FAM120A: variants seen among roughly 807,000 people sequenced by gnomAD.
FAM120A encodes the protein family with sequence similarity 120 member A.
A neutral mutation model predicts 109.7 loss-of-function variants in FAM120A; 15 were observed. The ratio of observed to expected loss-of-function variants is 0.14; its 90% CI spans 0.09 to 0.21. FAM120A has a LOEUF of 0.21. FAM120A is among the 10% of genes least tolerant of loss of function. FAM120A has a pLI of 1.00. For missense variants in FAM120A, 899 were observed against 1,439.3 expected (o/e 0.62, Z 6.07); for synonymous variants, 493 against 572.8 (o/e 0.86, Z 1.99).
At chr9:93,549,006 G>A (rs1403160073) in intron 11 of FAM120A, among the ~76,000 whole-genome samples, 2 of 151,966 alleles carry the variant, frequency 1.3e-5, no homozygotes, top group Non-Finnish European at 2.9e-5. Context: ...TCATGCCACC[G>A]CACTCCAGCC....
intron 1 of FAM120A, among the ~76,000 whole-genome samples, chr9:93,463,526 T>A (rs1171212485): frequency 6.6e-6 from 1 of 152,242 alleles, no homozygotes; most frequent in Non-Finnish European, 1.5e-5. Context: ...TGACTTTTTT[T>A]AATGTTCTTA....
At chr9:93,497,196 G>T in intron 3 of FAM120A, among the ~76,000 whole-genome samples, 1 of 152,234 alleles carries the variant, frequency 6.6e-6, no homozygotes, top group Non-Finnish European at 1.5e-5. Context: ...GGACTTCTCA[G>T]AAGTGGTGGA....
intron 1 of FAM120A, chr9:93,453,558 G>T: frequency 2.0e-6 from 2 of 985,406 alleles, no homozygotes; most frequent in Non-Finnish European, 2.4e-6. Flanking sequence ...CACTGCCCGC[G>T]AGGAGATGGT....
chr9:93,493,559 G>C (rs1160401218), intron 3 of FAM120A, among the ~76,000 whole-genome samples: 1 of 152,210 alleles, frequency 6.6e-6, no homozygotes, highest in South Asian at 2.1e-4. Flanking sequence ...ATCAACTCTT[G>C]AACGGTAGCT....
chr9:93,452,654 G>C lies in FAM120A; in HGVS notation c.474+265G>C, dbSNP rs769091702. Reference sequence around the variant, plus strand: ...ACTTGAGGGCTGGGAGAGAGCCCCGGACCAGAATTCGGAGGCGACAGTGTC... The same window carrying C: ...ACTTGAGGGCTGGGAGAGAGCCCCGCACCAGAATTCGGAGGCGACAGTGTC... On this transcript the variant is annotated intron_variant, in intron 1 of 17. Transcript: ENST00000277165. The surrounding 1 kb of genome is among the most constrained non-coding windows in gnomAD (Gnocchi z 7.0). 6.3e-7 allele frequency: 1 copy of C among 1,599,048 alleles called. No homozygotes were observed. The highest frequency in any genetic ancestry group is 8.5e-7 in the Non-Finnish European group (1 of 1,179,924).
At chr9:93,510,549 G>T (rs1466733323) in intron 5 of FAM120A, among the ~76,000 whole-genome samples, 1 of 152,182 alleles carries the variant, frequency 6.6e-6, no homozygotes, top group Non-Finnish European at 1.5e-5. Flanking sequence ...CCCACAAATG[G>T]ACAGAAACTA....
chr9:93,536,009 C>T (rs1861500486), intron 10 of FAM120A, among the ~76,000 whole-genome samples: 2 of 151,964 alleles, frequency 1.3e-5, no homozygotes, highest in Non-Finnish European at 1.5e-5. Flanking sequence ...TAATTGGTAA[C>T]ACATATTTGT....
chr9:93,492,993 A>T (rs1438152468), intron 3 of FAM120A, among the ~76,000 whole-genome samples: 3 of 152,170 alleles, frequency 2.0e-5, no homozygotes, highest in Non-Finnish European at 1.5e-5. Flanking sequence ...CCTGGGAGAC[A>T]GGAGGCCCTG....
At chr9:93,470,990 A>G (rs1215480846) in intron 1 of FAM120A, 151 bp from the exon 2 acceptor site, 5 of 894,150 alleles carry the variant, frequency 5.6e-6, no homozygotes, top group Non-Finnish European at 6.8e-6. Context: ...ATGTGTTGCA[A>G]ACTTTATTAT....
chr9:93,466,721 C>T (rs1858038042), intron 1 of FAM120A, among the ~76,000 whole-genome samples: 2 of 152,026 alleles, frequency 1.3e-5, no homozygotes, highest in African/African-American at 4.8e-5. Flanking sequence ...CTGTACCCAC[C>T]TATGTGTGTA....
intron 17 of FAM120A, among the ~76,000 whole-genome samples, chr9:93,563,380 G>A (rs535299328): frequency 6.6e-6 from 1 of 152,344 alleles, no homozygotes; most frequent in African/African-American, 2.4e-5. Flanking sequence ...CTCAGCCCTG[G>A]TGATTGGCCC....
chr9:93,533,305 T>C (rs1439807990), intron 10 of FAM120A, among the ~76,000 whole-genome samples: 1 of 152,198 alleles, frequency 6.6e-6, no homozygotes, highest in Non-Finnish European at 1.5e-5. Context: ...ATTTAAAATA[T>C]TTCTGTTTGC....
chr9:93,491,952 A>G (rs1386029368), intron 3 of FAM120A, among the ~76,000 whole-genome samples: 1 of 152,184 alleles, frequency 6.6e-6, no homozygotes, highest in Non-Finnish European at 1.5e-5. Context: ...TTGAGTGTTA[A>G]TTTTGTTTTT....
At chr9:93,495,340 A>G (rs1270700248) in intron 3 of FAM120A, among the ~76,000 whole-genome samples, 3 of 152,248 alleles carry the variant, frequency 2.0e-5, no homozygotes, top group Non-Finnish European at 2.9e-5. Context: ...ACAACAACAA[A>G]ATAACAGTAA....
intron 7 of FAM120A, among the ~76,000 whole-genome samples, chr9:93,520,550 G>C (rs1368912693): frequency 6.6e-6 from 1 of 152,270 alleles, no homozygotes; most frequent in Non-Finnish European, 1.5e-5. Context: ...TATGGGTGGA[G>C]TTATTGGGTC....
chr9:93,504,826 T>C (rs1010369878), intron 5 of FAM120A, among the ~76,000 whole-genome samples: 3 of 152,180 alleles, frequency 2.0e-5, no homozygotes, highest in Non-Finnish European at 4.4e-5. Flanking sequence ...TTCAAGCCTC[T>C]GCTGCTGCCG....
intron 5 of FAM120A, among the ~76,000 whole-genome samples, chr9:93,506,599 CTT>C (rs900855502): frequency 7.0e-6 from 1 of 143,556 alleles, no homozygotes. Flanking sequence ...TTTTTTTCTT[CTT>C]TTTTTTTTGT....
Position 93,452,035 on chromosome 9 carries a change from G to A in FAM120A, c.120G>A (p.Pro40=), listed in dbSNP as rs1857254320. The A allele has an allele frequency of 1.9e-6, 3 of 1,568,206 alleles. No individual in the cohort carries two copies. The highest frequency in any genetic ancestry group is 4.7e-5 in the East Asian group (2 of 42,736). ...SLVGGGRQRP[P]QTPLRLLVDA... is the part of the protein sequence containing the mutation. ...TGGGCGGCGGGCGGCAGCGGCCCCC[G>A]CAGACCCCGCTGCGCCTGCTGGTGG... is the stretch of plus-strand genomic sequence containing the variant. Residue 40 remains proline (P), a synonymous_variant, in exon 1 of 18, where the codon CCG becomes CCA. Coordinates refer to ENST00000277165, the MANE Select transcript of FAM120A (RefSeq NM_014612.5). The surrounding 1 kb of genome is among the most constrained non-coding windows in gnomAD (Gnocchi z 7.0).
chr9:93,512,547 T>C (rs539423470), intron 5 of FAM120A, among the ~76,000 whole-genome samples: 33 of 152,224 alleles, frequency 2.2e-4, no homozygotes, highest in Non-Finnish European at 3.1e-4. Flanking sequence ...TTTTTTTTTT[T>C]ACCGAAAGCC....
Sources: allele counts gnomAD v4.1 joint callset (sites outside exome capture counted in the v4.1 genomes callset), GRCh38; gene constraint gnomAD v4.1.1; non-coding constraint Gnocchi (gnomAD v3.1); transcripts MANE v1.5; gene names NCBI Gene and HGNC (gene_info 2026-07-23, HGNC 2026-07-21).